The following ICA1 variants were observed in gnomAD, a reference collection of about 807,000 sequenced individuals.
ICA1 encodes islet cell autoantigen 1, also known as 69 kDa islet cell autoantigen.
A neutral mutation model predicts 71.0 loss-of-function variants in ICA1; 40 were observed. That is an observed-to-expected ratio of 0.56 (90% CI 0.44 to 0.73). The LOEUF (loss-of-function observed/expected upper bound fraction) is 0.73. ICA1 is among the 30% of genes least tolerant of loss of function. The probability of loss-of-function intolerance (pLI) is 0.00; values close to 1 mark genes in which losing one functional copy is unlikely to be tolerated. For synonymous variants in ICA1, 207 were observed against 209.5 expected, an observed-to-expected ratio of 0.99 and a Z score of 0.10; for missense variants, 578 against 576.5, an observed-to-expected ratio of 1.00 and a Z score of -0.03.
chr7:8,184,383 A>G (rs946089730), intron 6 of ICA1, among the ~76,000 whole-genome samples: 10 of 152,352 alleles, frequency 6.6e-5, no homozygotes, highest in Admixed American at 3.9e-4. Flanking sequence ...TCTTTTATCA[A>G]TAAGACGCAA....
intron 8 of ICA1, among the ~76,000 whole-genome samples, chr7:8,152,126 G>T (rs1230099457): frequency 6.6e-6 from 1 of 152,140 alleles, no homozygotes; most frequent in Non-Finnish European, 1.5e-5. Context: ...GGTCTGCAAA[G>T]CTGAAGGACA....
intron 6 of ICA1, among the ~76,000 whole-genome samples, chr7:8,195,737 T>C (rs1787252998): frequency 6.6e-6 from 1 of 151,814 alleles, no homozygotes; most frequent in African/African-American, 2.4e-5. Context: ...CCCAGCACTT[T>C]GGGAGGCCAA....
chr7:8,124,266 A>G (rs1374812134), intron 13 of ICA1, among the ~76,000 whole-genome samples: 7 of 151,860 alleles, frequency 4.6e-5, no homozygotes, highest in East Asian at 1.9e-4. Context: ...GACTACAGGC[A>G]CGCACCAGCA....
At chr7:8,224,699 T>G (rs2128437386) in intron 4 of ICA1, among the ~76,000 whole-genome samples, 1 of 152,336 alleles carries the variant, frequency 6.6e-6, no homozygotes, top group South Asian at 2.1e-4. Context: ...ATTGACATTC[T>G]TTTTCTGTTA....
intron 6 of ICA1, among the ~76,000 whole-genome samples, chr7:8,183,509 A>T (rs1782902294): frequency 6.6e-6 from 1 of 152,232 alleles, no homozygotes; most frequent in Non-Finnish European, 1.5e-5. Context: ...TCAACAAAAA[A>T]TTATTAAAAC....
At chr7:8,256,450 A>C (rs1810226373) in intron 1 of ICA1, among the ~76,000 whole-genome samples, 1 of 152,020 alleles carries the variant, frequency 6.6e-6, no homozygotes, top group African/African-American at 2.4e-5. Context: ...TGAATATACT[A>C]TGCACTTCAA....
At chr7:8,238,849 C>T (rs542070871) in intron 1 of ICA1, among the ~76,000 whole-genome samples, 29 of 152,236 alleles carry the variant, frequency 1.9e-4, no homozygotes, top group African/African-American at 5.3e-4. Flanking sequence ...TGAAATCTTC[C>T]GGGGATACTA....
At position 8,232,478 on chromosome 7, in the gene ICA1, T is replaced by G. The variant is rs140489334; in HGVS notation, c.183+112A>C. 1,592 of 865,790 alleles carry G rather than the reference T, an allele frequency of 1.8e-3. 17 individuals are homozygous for G. The African/African-American group carries it at 0.025, about 13-fold the overall frequency. 53.6% of individuals were successfully genotyped at this position (865,790 alleles called of 1,614,324 possible). ...GGATTGAGTTTACCTAATCCTAGAT[T>G]TTCCTCATTTTCAAATACAAAGCAC... On this transcript the variant is annotated intron_variant, in intron 3 of 13. Transcript: ENST00000402384.
At chr7:8,152,244 G>C (rs965817170) in intron 8 of ICA1, among the ~76,000 whole-genome samples, 1 of 152,028 alleles carries the variant, frequency 6.6e-6, no homozygotes, top group African/African-American at 2.4e-5. Flanking sequence ...GCAATTCATA[G>C]CCTCACCTGT....
At position 8,124,310 on chromosome 7, in the gene ICA1, G is replaced by A. The variant is rs1044164787; in HGVS notation, c.1330+3563C>T. Among the ~76,000 whole-genome samples the A allele has an allele frequency of 4.3e-5, 6 of 138,356 alleles. No homozygotes were observed. The East Asian group carries it at 6.6e-4, about 15-fold the overall frequency. The allele number at this position is 138,356 out of a possible 152,430, so 90.8% of individuals were successfully genotyped here. A position where few individuals can be genotyped will look rare whatever the true frequency, so the allele number is the denominator to read the frequency against. ...TAATTTTTGTATTTTTAGTAGAGCC[G>A]GGGTTTCACCATTTTGGCCATGATG... is the stretch of plus-strand genomic sequence containing the variant. On this transcript the variant is annotated intron_variant, in intron 13 of 13. Coordinates refer to ENST00000402384, the MANE Select transcript of ICA1 (RefSeq NM_001136020.3).
chr7:8,182,827 A>G (rs1415658772), intron 6 of ICA1, among the ~76,000 whole-genome samples: 4 of 152,162 alleles, frequency 2.6e-5, no homozygotes, highest in African/African-American at 7.2e-5. Flanking sequence ...TTTTAAAGAA[A>G]ACCCACTGTC....
chr7:8,176,979 C>T (rs1386443246), intron 6 of ICA1, among the ~76,000 whole-genome samples: 3 of 152,158 alleles, frequency 2.0e-5, no homozygotes, highest in African/African-American at 4.8e-5. Flanking sequence ...ACCAAATCTC[C>T]GAACAGCGAG....
chr7:8,252,465 C>G lies in ICA1; in HGVS notation c.-80+9629G>C, dbSNP rs112204350. On this transcript the variant is annotated intron_variant, in intron 1 of 13. Transcript: ENST00000402384. Reference sequence around the variant, plus strand: ...AAATTTTCTTTTTATGGAAGAATAACCTCAGATAAATTGACTTTATCATCT... The same window carrying G: ...AAATTTTCTTTTTATGGAAGAATAAGCTCAGATAAATTGACTTTATCATCT... Among the ~76,000 whole-genome samples, 4 of 152,178 alleles carry G rather than the reference C, an allele frequency of 2.6e-5. No homozygotes were observed. The South Asian group carries it at 8.3e-4, about 32-fold the overall frequency.
In ICA1 at chr7:8,222,539, A is replaced by T. The variant is rs1797438387; in HGVS notation, c.257-1141T>A. On this transcript the variant is annotated intron_variant, in intron 4 of 13. Coordinates refer to ENST00000402384, the MANE Select transcript of ICA1 (RefSeq NM_001136020.3). This position sits in a 1 kb window ranked among gnomAD's most constrained non-coding sequence, Gnocchi z 4.8. ...GCACCCCCATTCCTGACATAATCTC[A>T]CTAACAATAATTGTAGGACATTAGG... Among the ~76,000 whole-genome samples, 1 of 152,156 alleles carries T rather than the reference A, an allele frequency of 6.6e-6. No individual in the cohort carries two copies. Among genetic ancestry groups the T allele is most frequent in the Non-Finnish European group, 1.5e-5 (1 of 68,028 alleles).
At chr7:8,194,794 A>G (rs560777450) in intron 6 of ICA1, among the ~76,000 whole-genome samples, 11 of 152,312 alleles carry the variant, frequency 7.2e-5, no homozygotes, top group African/African-American at 2.6e-4. Flanking sequence ...ACACAGGGAA[A>G]TGCTTATGAT....
intron 1 of ICA1, among the ~76,000 whole-genome samples, chr7:8,247,163 C>G (rs1273255066): frequency 6.6e-6 from 1 of 152,006 alleles, no homozygotes; most frequent in Non-Finnish European, 1.5e-5. Flanking sequence ...ATTTAAAAAC[C>G]ATTTTAGGCT....
chr7:8,260,986 T>C (rs1812116648), intron 1 of ICA1, among the ~76,000 whole-genome samples: 1 of 152,222 alleles, frequency 6.6e-6, no homozygotes, highest in South Asian at 2.1e-4. Context: ...ATGAGTCATA[T>C]TTTATAGGAC....
At chr7:8,243,241 G>C (rs944092554) in intron 1 of ICA1, among the ~76,000 whole-genome samples, 33 of 152,176 alleles carry the variant, frequency 2.2e-4, no homozygotes, top group Non-Finnish European at 3.8e-4. Context: ...CTTCATCCCT[G>C]GAATGCAAGG....
intron 1 of ICA1, among the ~76,000 whole-genome samples, chr7:8,245,067 C>T (rs1805454410): frequency 6.6e-6 from 1 of 152,154 alleles, no homozygotes; most frequent in Non-Finnish European, 1.5e-5. Flanking sequence ...TGGGTATATA[C>T]CCAAAGGATT....
Sources: allele counts gnomAD v4.1 joint callset (sites outside exome capture counted in the v4.1 genomes callset), GRCh38; gene constraint gnomAD v4.1.1; non-coding constraint Gnocchi (gnomAD v3.1); transcripts MANE v1.5; gene names NCBI Gene and HGNC (gene_info 2026-07-23, HGNC 2026-07-21).